Variants in INPP4A observed in about 807,000 individuals in gnomAD.
The protein encoded by INPP4A is inositol polyphosphate-4-phosphatase type I A.
INPP4A carries 33 observed loss-of-function variants against 119.8 expected under a neutral mutation model. The observed-to-expected ratio is 0.28, with a 90% confidence interval of 0.21 to 0.37. The LOEUF (loss-of-function observed/expected upper bound fraction) is 0.37, where lower values mean the gene tolerates loss of function less well. Ranked by LOEUF, INPP4A falls within the 10% of genes least tolerant of loss-of-function variation. INPP4A has a pLI of 1.00. For missense variants in INPP4A, 956 were observed against 1,289.9 expected (o/e 0.74, Z 3.97); for synonymous variants, 496 against 500.7 (o/e 0.99, Z 0.12).
chr2:98,467,263 C>G (rs1249494495), intron 1 of INPP4A, among the ~76,000 whole-genome samples: 1 of 152,124 alleles, frequency 6.6e-6, no homozygotes, highest in Non-Finnish European at 1.5e-5. Flanking sequence ...AGGGATCTGC[C>G]CCCATGACCC....
At chr2:98,493,554 C>T (rs1028106895) in intron 1 of INPP4A, among the ~76,000 whole-genome samples, 1 of 151,810 alleles carries the variant, frequency 6.6e-6, no homozygotes, top group Non-Finnish European at 1.5e-5. Context: ...CACCTCCACG[C>T]CTGGCTAATT....
chr2:98,452,289 G>A (rs763663355), intron 1 of INPP4A, among the ~76,000 whole-genome samples: 17 of 152,110 alleles, frequency 1.1e-4, no homozygotes, highest in Non-Finnish European at 2.1e-4. Context: ...CTCCAGGTGT[G>A]GTCCTCAGAC....
rs1325911330 is a variant in INPP4A, at chr2:98,563,496, G to C, written c.1887G>C (p.Leu629=). The change falls in exon 18 of 25, where the codon CTG becomes CTC. Residue 629 remains leucine (L), a synonymous_variant. Transcript: ENST00000409851. ...GEWSEALYPL[L]TTLTDCVAMM... is the part of the protein sequence containing the mutation. ...GGAGTGAGGCCCTTTACCCGCTGCT[G>C]ACCACTCTCACCGACTGCGTGGCCA... The C allele has an allele frequency of 9.9e-6, 16 of 1,613,402 alleles. No homozygotes were observed. Among genetic ancestry groups the C allele is most frequent in the Non-Finnish European group, 1.3e-5 (15 of 1,179,736 alleles).
chr2:98,554,023 A>G lies in INPP4A; in HGVS notation c.1348-248A>G, dbSNP rs948353631. 2.8e-4 allele frequency among the ~76,000 whole-genome samples: 43 copies of G among 152,242 alleles called. No homozygotes were observed. Among genetic ancestry groups the G allele is most frequent in the Non-Finnish European group, 5.4e-4 (37 of 68,044 alleles). On this transcript the variant is annotated intron_variant, in intron 14 of 24. Coordinates refer to ENST00000409851, the MANE Select transcript of INPP4A (RefSeq NM_001134225.2). This position sits in a 1 kb window ranked among gnomAD's most constrained non-coding sequence, Gnocchi z 4.7. The stretch of plus-strand genomic sequence containing the variant: ...AGGTAGGCAGGGATCAGAGAATGTC[A>G]GAGATTTCTCAACCTCTTCTCTTCC...
rs1049891626 is a variant in INPP4A at position 98,570,033 on chromosome 2, G to A, written c.2518+1365G>A. 1.3e-5 allele frequency among the ~76,000 whole-genome samples: 2 copies of A among 152,134 alleles called. No homozygotes were observed. The highest frequency in any genetic ancestry group is 2.4e-5 in the African/African-American group (1 of 41,438). ...TCCTCAGCGGCCACGTGCAGCTGGC[G>A]CTGGGGAGGTGAGGGCTGTGTCTGC... On this transcript the variant is annotated intron_variant, in intron 22 of 24. Coordinates refer to ENST00000409851, the MANE Select transcript of INPP4A (RefSeq NM_001134225.2). The surrounding 1 kb of genome is among the most constrained non-coding windows in gnomAD (Gnocchi z 4.3).
intron 24 of INPP4A, among the ~76,000 whole-genome samples, chr2:98,585,713 G>C (rs1364438909): frequency 1.3e-5 from 2 of 152,220 alleles, no homozygotes; most frequent in Admixed American, 1.3e-4. Context: ...CTGGGGGAAA[G>C]TAAATACAAT....
At position 98,552,806 on chromosome 2, in the gene INPP4A, C is replaced by G. The variant is rs1440608399; in HGVS notation, c.1184C>G (p.Ser395Cys). The part of the protein sequence containing the change: ...TKKHTSSGCQ[S>C]IIYIPQDVVR... ...TCCAGTACATCATCTGGCTGCCAGT[C>G]CATAATCTACATACCCCAGGATGTT... The change falls in exon 14 of 25, where the codon TCC becomes TGC. Residue 395 changes from serine to cysteine, a missense_variant. Physicochemically the swap from Ser to Cys is moderately radical, Grantham distance 112. This residue lies in a region of INPP4A where 652 missense variants were observed against 797.9 expected (regional missense o/e 0.82). Coordinates refer to ENST00000409851, the MANE Select transcript of INPP4A (RefSeq NM_001134225.2). 1.2e-6 allele frequency: 2 copies of G among 1,613,202 alleles called. No homozygotes were observed. Among genetic ancestry groups the G allele is most frequent in the South Asian group, 1.1e-5 (1 of 91,040 alleles).
intron 1 of INPP4A, among the ~76,000 whole-genome samples, chr2:98,517,034 A>C (rs1441332277): frequency 6.6e-6 from 1 of 152,060 alleles, no homozygotes; most frequent in African/African-American, 2.4e-5. Context: ...CACACAGTAA[A>C]GTCTGTGTGT....
chr2:98,550,181 C>T (rs1693246373), intron 13 of INPP4A, among the ~76,000 whole-genome samples: 1 of 152,110 alleles, frequency 6.6e-6, no homozygotes, highest in Admixed American at 6.5e-5. Context: ...CCAATCTGGG[C>T]CTGGTCACCC....
intron 24 of INPP4A, among the ~76,000 whole-genome samples, chr2:98,580,720 C>T (rs1699177192): frequency 1.3e-5 from 2 of 152,224 alleles, no homozygotes; most frequent in African/African-American, 2.4e-5. Flanking sequence ...CCTCCTGCCT[C>T]CCCATCTCCA....
At chr2:98,531,177 G>A (rs772628997) in intron 4 of INPP4A, among the ~76,000 whole-genome samples, 1 of 152,158 alleles carries the variant, frequency 6.6e-6, no homozygotes, top group Admixed American at 6.5e-5. Context: ...TGGGGTTTGT[G>A]TCAGAGGACA....
chr2:98,588,781 G>T lies in INPP4A; in HGVS notation c.*1173G>T, dbSNP rs1165582891. On this transcript the variant is annotated 3_prime_UTR_variant, in exon 25 of 25. Transcript: ENST00000409851. ...GTCTTATCTGCACATAGCAGAGTTT[G>T]TTTCTTAGGAGTTTATATGTTTTAT... 1 of 221,884 alleles carries T rather than the reference G, an allele frequency of 4.5e-6. No homozygotes were observed. Among genetic ancestry groups the T allele is most frequent in the Non-Finnish European group, 9.0e-6 (1 of 111,166 alleles). The allele number at this position is 221,884 out of a possible 1,614,324, so 13.7% of individuals were successfully genotyped here. A position where few individuals can be genotyped will look rare whatever the true frequency, so the allele number is the denominator to read the frequency against.
At chr2:98,534,896 A>T (rs1239438683) in intron 5 of INPP4A, among the ~76,000 whole-genome samples, 1 of 152,182 alleles carries the variant, frequency 6.6e-6, no homozygotes, top group Non-Finnish European at 1.5e-5. Flanking sequence ...AACAACAGAG[A>T]AGAAGGCACC....
chr2:98,451,939 T>G (rs1240105898), intron 1 of INPP4A, among the ~76,000 whole-genome samples: 1 of 152,188 alleles, frequency 6.6e-6, no homozygotes, highest in Non-Finnish European at 1.5e-5. Context: ...TTGCCAACAG[T>G]GACATTTATT....
In INPP4A at chr2:98,446,774, A is replaced by G. The variant is rs141189604; in HGVS notation, c.-166+1689A>G. ...TGTTTCCCAACTAGATTCAGAACCA[A>G]GGGCAGATATTATAGTGCCTCCCTG... On this transcript the variant is annotated intron_variant, in intron 1 of 24. Transcript: ENST00000409851. Among the ~76,000 whole-genome samples, 5 of 152,270 alleles carry G rather than the reference A, an allele frequency of 3.3e-5. No individual in the cohort carries two copies. In the East Asian group the frequency reaches 9.7e-4, roughly 29 times the overall value.
intron 1 of INPP4A, among the ~76,000 whole-genome samples, chr2:98,462,044 G>T (rs79041822): frequency 0.031 from 4,736 of 152,316 alleles, 270 homozygotes; most frequent in African/African-American, 0.11. Context: ...TAGACGACGT[G>T]TTTAAGCTTC....
chr2:98,497,707 G>A (rs1329954217), intron 1 of INPP4A, among the ~76,000 whole-genome samples: 1 of 152,174 alleles, frequency 6.6e-6, no homozygotes, highest in Non-Finnish European at 1.5e-5. Context: ...TTTTCACTCT[G>A]TTGATTGTCT....
At chr2:98,464,775 A>G (rs947183819) in intron 1 of INPP4A, among the ~76,000 whole-genome samples, 1 of 152,238 alleles carries the variant, frequency 6.6e-6, no homozygotes, top group Non-Finnish European at 1.5e-5. Context: ...ATTTTAACTA[A>G]TTGAACTGAA....
chr2:98,542,929 C>CT (rs200671855), intron 10 of INPP4A, among the ~76,000 whole-genome samples: 2,586 of 145,512 alleles, frequency 0.018, 69 homozygotes, highest in African/African-American at 0.059. Flanking sequence ...CAGCTCCTCT[C>CT]TTTTTTTTTT....
Sources: allele counts gnomAD v4.1 joint callset (sites outside exome capture counted in the v4.1 genomes callset), GRCh38; gene constraint gnomAD v4.1.1; regional missense constraint gnomAD v4.1.1; non-coding constraint Gnocchi (gnomAD v3.1); transcripts MANE v1.5; gene names NCBI Gene and HGNC (gene_info 2026-07-23, HGNC 2026-07-21).